Variants in DUOX2 observed in about 807,000 individuals in gnomAD.
DUOX2 encodes the protein dual oxidase 2, also known as NADH/NADPH thyroid oxidase p138-tox.
A neutral mutation model predicts 183.3 loss-of-function variants in DUOX2; 185 were observed. The observed-to-expected ratio is 1.01, with a 90% CI of 0.90 to 1.14. DUOX2 has a LOEUF of 1.14. Among genes scored for constraint, DUOX2 ranks in the 50% most tolerant of loss-of-function variants. The pLI is 0.00. For synonymous variants in DUOX2, 788 were observed against 812.4 expected (o/e 0.97, Z 0.51); for missense variants, 1,999 against 2,022.9 (o/e 0.99, Z 0.23).
rs775370201 is a variant in DUOX2 at position 45,099,895 on chromosome 15, G to A, written c.3185-3C>T. On this transcript the variant is annotated splice_polypyrimidine_tract_variant and splice_region_variant and intron_variant, in intron 24 of 33. Transcript: ENST00000389039. Reference sequence around the variant, plus strand: ...GGGTGGCGAGGCAAAGCCATAGTCTGGGGCCGGAGTGAGGTTACATCAGCT... The same window carrying A: ...GGGTGGCGAGGCAAAGCCATAGTCTAGGGCCGGAGTGAGGTTACATCAGCT... The A allele has an allele frequency of 6.2e-7, 1 of 1,614,024 alleles. No individual in the cohort carries two copies. The highest frequency in any genetic ancestry group is 1.1e-5 in the South Asian group (1 of 91,082).
rs1365221035 is a variant in DUOX2 at position 45,094,649 on chromosome 15, G to C, written c.4438C>G (p.Leu1480Val). 3.1e-6 allele frequency: 5 copies of C among 1,614,070 alleles called. No individual in the cohort carries two copies. The highest frequency in any genetic ancestry group is 4.2e-6 in the Non-Finnish European group (5 of 1,180,034). ...RHFQKVLNRS[L>V]FTGLRSITHF... The stretch of plus-strand genomic sequence containing the variant: ...GTGATGGAGCGCAGGCCCGTGAACA[G>C]ACTCCGGTTCAGCACTTTCTGGAAG... The change falls in exon 33 of 34, where the codon CTG becomes GTG. Residue 1480 changes from leucine (L) to valine (V), a missense_variant. Transcript: ENST00000389039.
intron 11 of DUOX2, 151 bp downstream of exon 11, chr15:45,109,373 A>T (rs1171929175): frequency 7.3e-6 from 5 of 689,240 alleles, no homozygotes; most frequent in East Asian, 2.7e-5. Context: ...AAAAAAGTTC[A>T]AAGTTCATTT....
rs1893946977 is a variant in DUOX2 at position 45,097,848 on chromosome 15, C to T, written c.3566-107G>A. 63 of 1,596,630 alleles carry T rather than the reference C, an allele frequency of 3.9e-5. No individual in the cohort carries two copies. In the South Asian group the frequency reaches 5.0e-4, roughly 13 times the overall value. ...TTCCCTCCTTCCTCTCTCATCCCTC[C>T]GGGGCCCCCAGAAAAGCCTGCCTGG... is the stretch of plus-strand genomic sequence containing the variant. On this transcript the variant is annotated intron_variant, in intron 27 of 33. Coordinates refer to ENST00000389039, the MANE Select transcript of DUOX2 (RefSeq NM_001363711.2).
At chr15:45,097,127 G>T in intron 29 of DUOX2, 111 bp downstream of exon 29, 168 of 1,470,674 alleles carry the variant, frequency 1.1e-4, no homozygotes, top group East Asian at 2.6e-4. Context: ...TGTTGTTTTT[G>T]GAGACAGAGT....
At position 45,106,931 on chromosome 15, in the gene DUOX2, C is replaced by T. The variant is rs200194628; in HGVS notation, c.1732G>A (p.Gly578Ser). The change falls in exon 15 of 34, where the codon GGC (glycine) becomes AGC (serine). Residue 578 changes from glycine (G) to serine (S), a missense_variant. By Grantham distance (56) the Gly-to-Ser change is moderately conservative. This residue lies in a region of DUOX2 where 1,628 missense variants were observed against 1,608.6 expected (regional missense o/e 1.01). Coordinates refer to ENST00000389039, the MANE Select transcript of DUOX2 (RefSeq NM_001363711.2). The part of the protein sequence containing the change: ...CPQPKQLTTD[G>S]LPQCAPLTVL... The stretch of plus-strand genomic sequence containing the variant: ...GTCAGGGGTGCACACTGGGGCAGGC[C>T]GTCAGTTGTGAGCTGCTTAGGTTGA... 6.6e-5 allele frequency: 104 copies of T among 1,580,186 alleles called. No homozygotes were observed. The highest frequency in any genetic ancestry group is 8.3e-5 in the Non-Finnish European group (97 of 1,163,428).
chr15:45,106,728 G>A (rs962134825), intron 15 of DUOX2, 87 bp from the exon 16 acceptor site: 1 of 1,609,702 alleles, frequency 6.2e-7, no homozygotes, highest in Non-Finnish European at 8.5e-7. Context: ...CCCTTCCAGA[G>A]GTTCCTTGAG....
Position 45,104,324 on chromosome 15 carries a change from C to G in DUOX2, c.2376G>C (p.Leu792=). Residue 792 remains leucine, a synonymous_variant, in exon 19 of 34, where the codon CTG becomes CTC. Transcript: ENST00000389039. ...INQADAGTLP[L]DSSQKVREAL... is the part of the protein sequence containing the mutation. The stretch of plus-strand genomic sequence containing the variant: ...CCTCCCGCACCTTCTGGGAGGAGTC[C>G]AGGGGCAGGGTCCCTGCGTCGGCCT... 6.2e-7 allele frequency: 1 copy of G among 1,614,014 alleles called. No homozygotes were observed. The highest frequency in any genetic ancestry group is 1.1e-5 in the South Asian group (1 of 91,044).
At chr15:45,108,536 G>T in intron 12 of DUOX2, 1 of 610,976 alleles carries the variant, frequency 1.6e-6, no homozygotes, top group Non-Finnish European at 2.9e-6. Context: ...CAGGACAATG[G>T]CACCCAACCC....
At chr15:45,107,006 G>T in intron 14 of DUOX2, 37 bp from the exon 15 acceptor site, 1 of 1,560,780 alleles carries the variant, frequency 6.4e-7, no homozygotes, top group Non-Finnish European at 8.7e-7. Context: ...AAAGTCTGAG[G>T]ATCCCGCTAT....
At position 45,092,661 on chromosome 15, in the gene DUOX2, ACACT is replaced by A. The variant is rs1478909723; in HGVS notation, c.*1485_*1488del. 1.3e-5 allele frequency: 2 copies of A among 152,236 alleles called. No individual in the cohort carries two copies. Among genetic ancestry groups the A allele is most frequent in the East Asian group, 3.8e-4 (2 of 5,200 alleles). The allele number at this position is 152,236 out of a possible 1,614,324, so 9.4% of individuals were successfully genotyped here. A position where few individuals can be genotyped will look rare whatever the true frequency, so the allele number is the denominator to read the frequency against. On this transcript the variant is annotated 3_prime_UTR_variant, in exon 34 of 34. Coordinates refer to ENST00000389039, the MANE Select transcript of DUOX2 (RefSeq NM_001363711.2). ...TGGCCACCAAAACATAGGTACAAGA[ACACT>A]CACAGAATTTTTATTTATAATCATT...
At chr15:45,094,749 C>A in intron 32 of DUOX2, 58 bp from the exon 33 acceptor site, 1 of 1,608,642 alleles carries the variant, frequency 6.2e-7, no homozygotes, top group Non-Finnish European at 8.5e-7. Flanking sequence ...TCAGCCCGAG[C>A]CAGCCCACAT....
chr15:45,094,844 C>T, intron 32 of DUOX2, 92 bp downstream of exon 32: 1 of 1,598,892 alleles, frequency 6.3e-7, no homozygotes, highest in Admixed American at 1.7e-5. Context: ...CCAGCTCAGC[C>T]TGGCCGTCCA....
At chr15:45,099,099 C>A (rs1443211877) in intron 26 of DUOX2, 3 of 370,986 alleles carry the variant, frequency 8.1e-6, no homozygotes, top group African/African-American at 6.3e-5. Context: ...CAAGCTCCGC[C>A]TCTTGGGTTC....
chr15:45,097,792 G>A, intron 27 of DUOX2, 51 bp from the exon 28 acceptor site: 10 of 1,613,814 alleles, frequency 6.2e-6, no homozygotes, highest in Non-Finnish European at 6.8e-6. Context: ...TTCAGCTTGG[G>A]CTGAAAAGAC....
chr15:45,099,919 C>G lies in DUOX2; in HGVS notation c.3185-27G>C. On this transcript the variant is annotated intron_variant, in intron 24 of 33. Transcript: ENST00000389039. ...TGGGGCCGGAGTGAGGTTACATCAGCTTGGCACAGGTGGCCAAGGTCCCGA... is the reference window on the plus strand; with the variant it reads ...TGGGGCCGGAGTGAGGTTACATCAGGTTGGCACAGGTGGCCAAGGTCCCGA... 3 of 1,613,608 alleles carry G rather than the reference C, an allele frequency of 1.9e-6. 1 individual carries two copies. In the South Asian group the frequency reaches 3.3e-5, roughly 18 times the overall value.
rs1254861496 is a variant in DUOX2, at chr15:45,101,236, C to T, written c.2890G>A (p.Val964Ile). The change falls in exon 22 of 34, where the codon GTC (valine) becomes ATC (isoleucine). Residue 964 changes from valine to isoleucine, a missense_variant. Val to Ile is a conservative substitution (Grantham distance 29). This residue lies in a region of DUOX2 where 1,628 missense variants were observed against 1,608.6 expected (regional missense o/e 1.01). Transcript: ENST00000389039. ...CCAGGTGTCCGAGTGATGAACGAGA[C>T]TCGACAGCTGATGTTTTGTTTAAAG... ...DIFKQNISCR[V>I]SFITRTPGER... 3.1e-6 allele frequency: 5 copies of T among 1,613,808 alleles called. No homozygotes were observed. The highest frequency in any genetic ancestry group is 4.2e-6 in the Non-Finnish European group (5 of 1,179,934).
intron 16 of DUOX2, 100 bp downstream of exon 16, chr15:45,106,428 C>T (rs1421587352): frequency 1.9e-6 from 3 of 1,584,970 alleles, no homozygotes; most frequent in African/African-American, 2.7e-5. Context: ...CCTAAAGGTG[C>T]CTTGGCTTTC....
In DUOX2 at chr15:45,109,965, A is replaced by C. The variant is rs375734139; in HGVS notation, c.1056T>G (p.His352Gln). ...AACCCTTGTTCAGGACCTTCCGGAA[A>C]TGACAGCTGGCATTTCTGAAATTGA... Reference protein sequence around the residue: ...PGVYMRNASCHFRKVLNKGFQ... With the variant: ...PGVYMRNASCQFRKVLNKGFQ... The change falls in exon 10 of 34, where the codon CAT becomes CAG. Residue 352 changes from histidine to glutamine, a missense_variant. This residue lies in a region of DUOX2 where 1,628 missense variants were observed against 1,608.6 expected (regional missense o/e 1.01). Coordinates refer to ENST00000389039, the MANE Select transcript of DUOX2 (RefSeq NM_001363711.2). 3.7e-6 allele frequency: 6 copies of C among 1,613,976 alleles called. No individual in the cohort carries two copies. Among genetic ancestry groups the C allele is most frequent in the Non-Finnish European group, 5.1e-6 (6 of 1,180,012 alleles).
chr15:45,108,357 G>A, intron 12 of DUOX2, 135 bp from the exon 13 acceptor site: 1 of 1,043,218 alleles, frequency 9.6e-7, no homozygotes, highest in East Asian at 2.6e-5. Context: ...TCTTAGGCAA[G>A]CCCCCTCAGG....
Sources: allele counts gnomAD v4.1 joint callset, GRCh38; gene constraint gnomAD v4.1.1; regional missense constraint gnomAD v4.1.1; transcripts MANE v1.5; gene names NCBI Gene and HGNC (gene_info 2026-07-23, HGNC 2026-07-21).